SLIT2: variants seen among roughly 807,000 people sequenced by gnomAD.
SLIT2 encodes the protein slit homolog 2 protein.
Under a neutral mutation model 185.7 loss-of-function variants are expected in SLIT2, and 41 were observed. The observed-to-expected ratio is 0.22, with a 90% CI of 0.17 to 0.29. The LOEUF is 0.29. Ranked by LOEUF, SLIT2 falls within the 10% of genes least tolerant of loss-of-function variation. The pLI, the probability that SLIT2 is intolerant of heterozygous loss-of-function variation, is 1.00. For synonymous variants in SLIT2, 693 were observed against 680.2 expected (o/e 1.02, Z -0.29); for missense variants, 1,571 against 1,909.0 (o/e 0.82, Z 3.30).
In SLIT2 at chr4:20,432,622, C is replaced by T. The variant is rs184534445; in HGVS notation, c.396-35130C>T. Among the ~76,000 whole-genome samples, 1,395 of 151,774 alleles carry T rather than the reference C, an allele frequency of 9.2e-3. 14 individuals are homozygous for T. Among genetic ancestry groups the T allele is most frequent in the Non-Finnish European group, 0.015 (1,027 of 67,974 alleles). On this transcript the variant is annotated intron_variant, in intron 4 of 36. Transcript: ENST00000504154. ...GGTGTTGTTCCTGGACCCTGAGTAT[C>T]CTGTTCCAAGTGCATAAATGCTGCC...
chr4:20,486,388 C>T (rs1717239848), intron 7 of SLIT2, 117 bp downstream of exon 7: 7 of 631,840 alleles, frequency 1.1e-5, no homozygotes, highest in South Asian at 2.1e-5. Context: ...AAGGAAAACC[C>T]AACTTTGGAA....
intron 4 of SLIT2, among the ~76,000 whole-genome samples, chr4:20,426,844 C>T (rs1185349786): frequency 6.6e-6 from 1 of 152,114 alleles, no homozygotes; most frequent in African/African-American, 2.4e-5. Context: ...AAACAACTGT[C>T]TGGGGAAGAT....
chr4:20,267,605 T>C (rs73803836), intron 3 of SLIT2, among the ~76,000 whole-genome samples: 1,942 of 151,968 alleles, frequency 0.013, 51 homozygotes, highest in African/African-American at 0.045. Context: ...AGATAAGCAG[T>C]TGAGAGTTTC....
At chr4:20,555,963 C>T (rs532170149) in intron 26 of SLIT2, among the ~76,000 whole-genome samples, 9 of 151,784 alleles carry the variant, frequency 5.9e-5, no homozygotes, top group Non-Finnish European at 1.2e-4. Context: ...TTAAAATTTC[C>T]TGCCACCAAA....
chr4:20,258,883 T>C (rs1712142411), intron 3 of SLIT2, among the ~76,000 whole-genome samples: 1 of 151,724 alleles, frequency 6.6e-6, no homozygotes, highest in South Asian at 2.1e-4. Flanking sequence ...TAATAAAATC[T>C]AATGTTCATT....
chr4:20,522,352 A>G lies in SLIT2; in HGVS notation c.1131-1408A>G, dbSNP rs541701605. On this transcript the variant is annotated intron_variant, in intron 12 of 36. Transcript: ENST00000504154. ...GATTATCTCCATACCAACCCTATTGAGACCAGTGGTGCCTGTTAGGGATGG... is the reference window on the plus strand; with the variant it reads ...GATTATCTCCATACCAACCCTATTGGGACCAGTGGTGCCTGTTAGGGATGG... Among the ~76,000 whole-genome samples, 15 of 152,308 alleles carry G rather than the reference A, an allele frequency of 9.8e-5. No individual in the cohort carries two copies. In the South Asian group the frequency reaches 3.1e-3, roughly 32 times the overall value.
rs938912389 is a variant in SLIT2 at position 20,337,794 on chromosome 4, A to G, written c.395+68913A>G. ...TCAACATGTAGCAGATGGCTTCTAT[A>G]TTCTTAAGGGATAAAACTTTGAGAT... On this transcript the variant is annotated intron_variant, in intron 4 of 36. Transcript: ENST00000504154. Among the ~76,000 whole-genome samples the G allele has an allele frequency of 3.3e-5, 5 of 152,264 alleles. No homozygotes were observed. In the East Asian group the frequency reaches 5.8e-4, roughly 18 times the overall value.
chr4:20,449,806 A>T (rs893500473), intron 4 of SLIT2, among the ~76,000 whole-genome samples: 3 of 152,226 alleles, frequency 2.0e-5, no homozygotes, highest in Admixed American at 6.5e-5. Context: ...ACTGATAATT[A>T]GAAACTTTAT....
chr4:20,281,715 A>C (rs1714793005), intron 4 of SLIT2, among the ~76,000 whole-genome samples: 1 of 152,178 alleles, frequency 6.6e-6, no homozygotes, highest in African/African-American at 2.4e-5. Flanking sequence ...GCATAGTTAC[A>C]TTTGATAAAA....
At chr4:20,600,259 C>A (rs533198248) in intron 33 of SLIT2, among the ~76,000 whole-genome samples, 46 of 151,956 alleles carry the variant, frequency 3.0e-4, no homozygotes, top group African/African-American at 1.0e-3. Context: ...TCACATATGG[C>A]AAAATATTTC....
chr4:20,403,997 A>G (rs1726566806), intron 4 of SLIT2, among the ~76,000 whole-genome samples: 2 of 152,104 alleles, frequency 1.3e-5, no homozygotes, highest in African/African-American at 2.4e-5. Flanking sequence ...CTTTGCCTCA[A>G]TAAAGATGAA....
chr4:20,474,592 A>G (rs1029704881), intron 5 of SLIT2, among the ~76,000 whole-genome samples: 1 of 152,150 alleles, frequency 6.6e-6, no homozygotes, highest in African/African-American at 2.4e-5. Flanking sequence ...TCCAATTCAC[A>G]TACTTACAAA....
chr4:20,299,435 G>A (rs1410069289), intron 4 of SLIT2, among the ~76,000 whole-genome samples: 2 of 152,038 alleles, frequency 1.3e-5, no homozygotes, highest in African/African-American at 2.4e-5. Flanking sequence ...TTTTGTCAAC[G>A]AGGAAAGAAA....
intron 4 of SLIT2, among the ~76,000 whole-genome samples, chr4:20,459,928 A>AT (rs1713511250): frequency 6.6e-6 from 1 of 150,948 alleles, no homozygotes; most frequent in East Asian, 1.9e-4. Context: ...CAGTGGCACA[A>AT]TTTTGGCTCA....
At chr4:20,389,739 A>C (rs1255231343) in intron 4 of SLIT2, among the ~76,000 whole-genome samples, 1 of 152,118 alleles carries the variant, frequency 6.6e-6, no homozygotes, top group Non-Finnish European at 1.5e-5. Flanking sequence ...AGATGTGAAG[A>C]GGAGGTACAG....
intron 5 of SLIT2, among the ~76,000 whole-genome samples, chr4:20,472,451 TAG>T (rs1424643474): frequency 4.4e-5 from 3 of 67,502 alleles, no homozygotes; most frequent in Admixed American, 2.1e-4. Context: ...TATATCTATA[TAG>T]ATATATCTAT....
chr4:20,355,993 A>G (rs913760547), intron 4 of SLIT2, among the ~76,000 whole-genome samples: 12 of 152,188 alleles, frequency 7.9e-5, no homozygotes, highest in Non-Finnish European at 1.6e-4. Context: ...TATAATTTAA[A>G]TACATAGATC....
rs1455727942 is a variant in SLIT2, at chr4:20,534,507, C to CATATTTTAG, written c.1832+793_1832+794insTATTTTAGA. Among the ~76,000 whole-genome samples, 3 of 152,304 alleles carry CATATTTTAG rather than the reference C, an allele frequency of 2.0e-5. No homozygotes were observed. The East Asian group carries it at 5.8e-4, about 29-fold the overall frequency. ...CATGTGGCATACAAACACGCATATA[C>CATATTTTAG]ACACATATACATTGTATCTAAAAAG... is the stretch of plus-strand genomic sequence containing the variant. On this transcript the variant is annotated intron_variant, in intron 18 of 36. Coordinates refer to ENST00000504154, the MANE Select transcript of SLIT2 (RefSeq NM_004787.4).
At chr4:20,566,663 C>T (rs551787387) in intron 26 of SLIT2, among the ~76,000 whole-genome samples, 15 of 151,926 alleles carry the variant, frequency 9.9e-5, no homozygotes, top group African/African-American at 2.2e-4. Flanking sequence ...ACAAATAAAC[C>T]GAATCAAAAG....
Sources: gnomAD v4.1 joint callset for allele counts (sites outside exome capture counted in the v4.1 genomes callset) on GRCh38, gnomAD v4.1.1 for gene constraint, MANE v1.5 for transcripts, NCBI Gene and HGNC (gene_info 2026-07-23, HGNC 2026-07-21) for gene names.